Variants in NT5DC3 observed in about 807,000 individuals in gnomAD.
NT5DC3 encodes the protein 5'-nucleotidase domain-containing protein 3.
Under a neutral mutation model 67.8 loss-of-function variants are expected in NT5DC3, and 42 were observed. The observed-to-expected ratio is 0.62, with a 90% CI of 0.48 to 0.80. The LOEUF (loss-of-function observed/expected upper bound fraction) is 0.80, where lower values mean the gene tolerates loss of function less well. Among genes scored for constraint, NT5DC3 ranks in the 30% least tolerant of loss-of-function variants. The probability of loss-of-function intolerance (pLI) is 0.00; values close to 1 mark genes in which losing one functional copy is unlikely to be tolerated. For missense variants in NT5DC3, 570 were observed against 696.4 expected, an observed-to-expected ratio of 0.82 and a Z score of 2.04; for synonymous variants, 237 against 255.6, an observed-to-expected ratio of 0.93 and a Z score of 0.69.
At chr12:103,764,004 G>A in the NT5DC3 span, among the ~76,000 whole-genome samples, 1 of 149,164 alleles carries the variant, frequency 6.7e-6, no homozygotes, top group African/African-American at 2.5e-5. Flanking sequence ...TTTTTTCTTT[G>A]AGATGGAGTC....
chr12:103,753,395 A>G, the NT5DC3 span: 1 of 1,613,300 alleles, frequency 6.2e-7, no homozygotes, highest in Non-Finnish European at 8.5e-7. Flanking sequence ...CAGAGTCTGC[A>G]GGGGCGGAAG....
chr12:103,791,283 T>TG (rs1488160572), intron 9 of NT5DC3, among the ~76,000 whole-genome samples: 1 of 152,086 alleles, frequency 6.6e-6, no homozygotes, highest in Non-Finnish European at 1.5e-5. Flanking sequence ...AGGAGCTCTC[T>TG]GGTGAAAAGA....
downstream of NT5DC3, chr12:103,771,273 A>C (rs1885175483): frequency 6.6e-6 from 1 of 152,194 alleles, no homozygotes; most frequent in African/African-American, 2.4e-5. Context: ...AATTCCTTAT[A>C]AAGCTCTGAA....
At position 103,815,013 on chromosome 12, in the gene NT5DC3, G is replaced by T. The variant is rs368286649; in HGVS notation, c.317C>A (p.Thr106Asn). Residue 106 changes from threonine to asparagine, a missense_variant, in exon 2 of 14, where the codon ACC becomes AAC. Coordinates refer to ENST00000392876, the MANE Select transcript of NT5DC3 (RefSeq NM_001031701.3). The part of the protein sequence containing the change: ...IEIYGFDYDY[T>N]LVFYSKHLHT... Reference sequence around the variant, plus strand: ...GAGGTGCTTTGAATAAAACACCAAGGTGTAATCATAATCGAAGCCATAGAT... The same window carrying T: ...GAGGTGCTTTGAATAAAACACCAAGTTGTAATCATAATCGAAGCCATAGAT... The T allele has an allele frequency of 6.2e-7, 1 of 1,613,550 alleles. No homozygotes were observed.
chr12:103,805,375 T>C (rs1395324479), intron 4 of NT5DC3, among the ~76,000 whole-genome samples: 1 of 152,202 alleles, frequency 6.6e-6, no homozygotes, highest in Non-Finnish European at 1.5e-5. Context: ...TGTGACTCTA[T>C]CCATGTTTCA....
intron 2 of NT5DC3, among the ~76,000 whole-genome samples, chr12:103,808,729 A>G (rs1593415720): frequency 6.6e-6 from 1 of 152,162 alleles, no homozygotes; most frequent in Admixed American, 6.5e-5. Flanking sequence ...ACAGAACCCA[A>G]CGCTTGGCAC....
Position 103,814,898 on chromosome 12 carries a change from A to C in NT5DC3, c.393+39T>G, listed in dbSNP as rs776645284. On this transcript the variant is annotated intron_variant, in intron 2 of 13. Coordinates refer to ENST00000392876, the MANE Select transcript of NT5DC3 (RefSeq NM_001031701.3). ...CAGCTCAAGGCTGTTCTAAGAGGAA[A>C]AGGGGAGGGAGAAGCCTGAAATGTC... is the stretch of plus-strand genomic sequence containing the variant. The C allele has an allele frequency of 5.9e-6, 9 of 1,514,478 alleles. No individual in the cohort carries two copies. In the Admixed American group the frequency reaches 1.7e-4, roughly 29 times the overall value. The allele number at this position is 1,514,478 out of a possible 1,614,324, so 93.8% of individuals were successfully genotyped here. A position where few individuals can be genotyped will look rare whatever the true frequency, so the allele number is the denominator to read the frequency against.
At chr12:103,748,846 C>A in the NT5DC3 span, 1 of 1,074,770 alleles carries the variant, frequency 9.3e-7, no homozygotes, top group Non-Finnish European at 1.3e-6. Context: ...AGCACGAACA[C>A]GCAGGGGCCC....
Position 103,788,537 on chromosome 12 carries a change from A to T in NT5DC3, c.1101+301T>A, listed in dbSNP as rs918628580. ...TTTGAGTGAATAATATGCCATGAGT[A>T]AGTGTTCCTTAAAGAGAAATTTCCA... On this transcript the variant is annotated intron_variant, in intron 10 of 13. Coordinates refer to ENST00000392876, the MANE Select transcript of NT5DC3 (RefSeq NM_001031701.3). Among the ~76,000 whole-genome samples the T allele has an allele frequency of 2.1e-4, 32 of 152,232 alleles. 1 individual carries two copies. Among genetic ancestry groups the T allele is most frequent in the Admixed American group, 1.2e-3 (19 of 15,284 alleles).
At chr12:103,749,105 C>T in the NT5DC3 span, 162 of 1,612,240 alleles carry the variant, frequency 1.0e-4, no homozygotes, top group Middle Eastern at 1.7e-3. Flanking sequence ...CCTGTGCAGA[C>T]GGCCTTAACG....
At chr12:103,760,402 AGGTGCCC>A in the NT5DC3 span, among the ~76,000 whole-genome samples, 1 of 152,166 alleles carries the variant, frequency 6.6e-6, no homozygotes, top group Non-Finnish European at 1.5e-5. Context: ...CTGGGACTAC[AGGTGCCC>A]GCCACCACAC....
At position 103,807,944 on chromosome 12, in the gene NT5DC3, T is replaced by C. The variant is rs930017075; in HGVS notation, c.394-1015A>G. 9.2e-5 allele frequency among the ~76,000 whole-genome samples: 14 copies of C among 152,358 alleles called. 1 individual carries two copies. The highest frequency in any genetic ancestry group is 2.0e-4 in the Admixed American group (3 of 15,310). ...AGTCCATTAAACCTCTTTTTCTCTA[T>C]AAATTACCCGGCCTTGGGTATGTCT... On this transcript the variant is annotated intron_variant, in intron 2 of 13. Coordinates refer to ENST00000392876, the MANE Select transcript of NT5DC3 (RefSeq NM_001031701.3).
chr12:103,814,693 A>C (rs1887173273), intron 2 of NT5DC3, among the ~76,000 whole-genome samples: 1 of 152,226 alleles, frequency 6.6e-6, no homozygotes, highest in African/African-American at 2.4e-5. Context: ...GTAAATATCT[A>C]CAGCCAAATC....
At chr12:103,823,524 G>T (rs1280330786) in intron 1 of NT5DC3, among the ~76,000 whole-genome samples, 1 of 152,018 alleles carries the variant, frequency 6.6e-6, no homozygotes, top group Non-Finnish European at 1.5e-5. Context: ...TGTTTTCTGG[G>T]TGTTTTTTAA....
At chr12:103,790,169 A>G (rs1885981184) in intron 9 of NT5DC3, among the ~76,000 whole-genome samples, 2 of 152,176 alleles carry the variant, frequency 1.3e-5, no homozygotes, top group East Asian at 1.9e-4. Context: ...CAATGGCACA[A>G]TCGCGGCTCA....
chr12:103,840,299 G>C (rs149709153), intron 1 of NT5DC3, among the ~76,000 whole-genome samples: 73 of 152,158 alleles, frequency 4.8e-4, no homozygotes, highest in African/African-American at 1.7e-3. Context: ...CACAGCCTTA[G>C]AATCCCCTCC....
At chr12:103,746,971 T>C in the NT5DC3 span, among the ~76,000 whole-genome samples, 10,273 of 120,244 alleles carry the variant, frequency 0.085, 564 homozygotes, top group East Asian at 0.2. Flanking sequence ...TTTTTTTTTT[T>C]CCGAGATGGA....
At position 103,773,650 on chromosome 12, in the gene NT5DC3, C is replaced by T. The variant is rs1470343569; in HGVS notation, c.*4179G>A. Reference sequence around the variant, plus strand: ...AACAATCAAGGAACCCTGTGTCTGGCCAAATTTCGTCTTAGAGCATTCTAG... The same window carrying T: ...AACAATCAAGGAACCCTGTGTCTGGTCAAATTTCGTCTTAGAGCATTCTAG... On this transcript the variant is annotated 3_prime_UTR_variant, in exon 14 of 14. Transcript: ENST00000392876. 1.3e-5 allele frequency: 2 copies of T among 152,210 alleles called. No individual in the cohort carries two copies. The highest frequency in any genetic ancestry group is 3.2e-3 in the Middle Eastern group (1 of 316). The allele number at this position is 152,210 out of a possible 1,614,324, so 9.4% of individuals were successfully genotyped here. A position where few individuals can be genotyped will look rare whatever the true frequency, so the allele number is the denominator to read the frequency against.
the NT5DC3 span, among the ~76,000 whole-genome samples, chr12:103,754,450 C>T: frequency 6.6e-6 from 1 of 152,012 alleles, no homozygotes; most frequent in African/African-American, 2.4e-5. Context: ...GGATTTAAAA[C>T]GTTCCCACCT....
Sources: gnomAD v4.1 joint callset for allele counts (sites outside exome capture counted in the v4.1 genomes callset) on GRCh38, gnomAD v4.1.1 for gene constraint, MANE v1.5 for transcripts, NCBI Gene and HGNC (gene_info 2026-07-23, HGNC 2026-07-21) for gene names.